DPP9: variants seen among roughly 807,000 people sequenced by gnomAD.
The protein encoded by DPP9 is dipeptidyl peptidase 9, also known as dipeptidyl peptidase IV-related protein-2.
DPP9 carries 50 observed loss-of-function variants against 110.7 expected under a neutral mutation model. The ratio of observed to expected loss-of-function variants is 0.45; its 90% CI spans 0.36 to 0.57. The LOEUF is 0.57. DPP9 is among the 20% of genes least tolerant of loss of function. DPP9 has a pLI of 0.00. For missense variants in DPP9, 1,022 were observed against 1,217.9 expected, an observed-to-expected ratio of 0.84 and a Z score of 2.39; for synonymous variants, 561 against 514.4, an observed-to-expected ratio of 1.09 and a Z score of -1.23.
rs1173547778 is a variant in DPP9, at chr19:4,685,880, C to G, written c.1886-109G>C. ...TGGAGGGTGGACCAAAGCACCCCCT[C>G]TTTTCCTGGGCTTCCCGAGAGTTGA... On this transcript the variant is annotated intron_variant, in intron 16 of 21. Coordinates refer to ENST00000262960, the MANE Select transcript of DPP9 (RefSeq NM_139159.5). The surrounding 1 kb of genome is among the most constrained non-coding windows in gnomAD (Gnocchi z 5.8). 3.1e-6 allele frequency: 4 copies of G among 1,291,020 alleles called. No homozygotes were observed. Among genetic ancestry groups the G allele is most frequent in the Non-Finnish European group, 4.2e-6 (4 of 947,818 alleles). The allele number at this position is 1,291,020 out of a possible 1,614,324, so 80.0% of individuals were successfully genotyped here.
At position 4,683,550 on chromosome 19, in the gene DPP9, A is replaced by G. The variant is rs1481179508; in HGVS notation, c.2258T>C (p.Val753Ala). The change falls in exon 19 of 22, where the codon GTT (valine) becomes GCT (alanine). Residue 753 changes from valine to alanine, a missense_variant. Physicochemically the swap from Val to Ala is moderately conservative, Grantham distance 64. Transcript: ENST00000262960. ...EKYGFIDLSR[V>A]AIHGWSYGGF... The stretch of plus-strand genomic sequence containing the variant: ...CCCGTAGGACCAGCCATGGATGGCA[A>G]CTCGGCTCAGGTCGATGAAGCCATA... The G allele has an allele frequency of 1.9e-6, 3 of 1,613,258 alleles. No homozygotes were observed. The highest frequency in any genetic ancestry group is 2.2e-5 in the East Asian group (1 of 44,882).
chr19:4,683,211 G>C (rs1421054494), intron 19 of DPP9: 1 of 1,429,994 alleles, frequency 7.0e-7, no homozygotes, highest in East Asian at 2.6e-5. Flanking sequence ...CGAGGCCGGG[G>C]TCCCGGGCTC....
chr19:4,692,256 C>A (rs2091396845), intron 13 of DPP9, among the ~76,000 whole-genome samples: 1 of 152,122 alleles, frequency 6.6e-6, no homozygotes, highest in South Asian at 2.1e-4. Context: ...CGGGGTGCAT[C>A]ATGGCACACA....
intron 3 of DPP9, 110 bp downstream of exon 3, chr19:4,719,741 G>A: frequency 7.8e-7 from 1 of 1,280,842 alleles, no homozygotes; most frequent in Non-Finnish European, 1.1e-6. Flanking sequence ...GGACGTGCTG[G>A]GGAAGCCAGG....
intron 10 of DPP9, among the ~76,000 whole-genome samples, chr19:4,699,663 C>T (rs1243015112): frequency 6.6e-6 from 1 of 151,998 alleles, no homozygotes; most frequent in African/African-American, 2.4e-5. Context: ...TTTGAGATGA[C>T]CCCCAGGTGA....
chr19:4,712,822 G>A lies in DPP9; in HGVS notation c.313+1259C>T, dbSNP rs186471579. On this transcript the variant is annotated intron_variant, in intron 4 of 21. Transcript: ENST00000262960. ...TGTGGAGAGGGACTGCGCTGATGGC[G>A]GAAGAAGACAGCCACCTGGTGTCCA... is the stretch of plus-strand genomic sequence containing the variant. Among the ~76,000 whole-genome samples, 13 of 152,320 alleles carry A rather than the reference G, an allele frequency of 8.5e-5. No individual in the cohort carries two copies. The East Asian group carries it at 1.3e-3, about 16-fold the overall frequency.
intron 14 of DPP9, among the ~76,000 whole-genome samples, chr19:4,690,183 G>A (rs937118840): frequency 6.6e-6 from 1 of 152,256 alleles, no homozygotes; most frequent in Non-Finnish European, 1.5e-5. Context: ...CCGAAGTGGT[G>A]TCTCCTGGAG....
In DPP9 at chr19:4,685,297, T is replaced by C. The variant is rs1310641695; in HGVS notation, c.2031+329A>G. ...TCTGCTGCCTGCTTTTGACCCCTGCTCCAGGAATTGGGCCCAGGGCCCATG... is the reference window on the plus strand; with the variant it reads ...TCTGCTGCCTGCTTTTGACCCCTGCCCCAGGAATTGGGCCCAGGGCCCATG... On this transcript the variant is annotated intron_variant, in intron 17 of 21. Transcript: ENST00000262960. The surrounding 1 kb of genome is among the most constrained non-coding windows in gnomAD (Gnocchi z 5.8). 2 of 559,484 alleles carry C rather than the reference T, an allele frequency of 3.6e-6. No individual in the cohort carries two copies. The highest frequency in any genetic ancestry group is 1.9e-5 in the African/African-American group (1 of 53,726). 34.7% of individuals were successfully genotyped at this position (559,484 alleles called of 1,614,324 possible). A position where few individuals can be genotyped will look rare whatever the true frequency, so the allele number is the denominator to read the frequency against.
In DPP9 at chr19:4,682,450, T is replaced by C. The variant is rs1474213000; in HGVS notation, c.2474+246A>G. Among the ~76,000 whole-genome samples, 1 of 151,514 alleles carries C rather than the reference T, an allele frequency of 6.6e-6. No individual in the cohort carries two copies. The highest frequency in any genetic ancestry group is 2.0e-4 in the East Asian group (1 of 5,124). ...CCCAGGGCAGGGCTGTGAGCCTCCT[T>C]CCCCAGACAAGCATCCCTGGGTGCC... On this transcript the variant is annotated intron_variant, in intron 20 of 21. Transcript: ENST00000262960. This position sits in a 1 kb window ranked among gnomAD's most constrained non-coding sequence, Gnocchi z 7.1.
In DPP9 at chr19:4,684,867, C is replaced by G. The variant is rs760565068; in HGVS notation, c.2032-58G>C. Reference sequence around the variant, plus strand: ...GAGATGCCGGGCAGGACGGGCCTGGCAGGGGAGATGCCGGTGGGCTGGGGA... The same window carrying G: ...GAGATGCCGGGCAGGACGGGCCTGGGAGGGGAGATGCCGGTGGGCTGGGGA... On this transcript the variant is annotated intron_variant, in intron 17 of 21. Coordinates refer to ENST00000262960, the MANE Select transcript of DPP9 (RefSeq NM_139159.5). The surrounding 1 kb of genome is among the most constrained non-coding windows in gnomAD (Gnocchi z 4.8). The G allele has an allele frequency of 3.9e-6, 6 of 1,556,250 alleles. No homozygotes were observed. The highest frequency in any genetic ancestry group is 1.9e-5 in the Admixed American group (1 of 51,580).
intron 21 of DPP9, among the ~76,000 whole-genome samples, chr19:4,678,295 T>C (rs1173775710): frequency 6.6e-6 from 1 of 152,056 alleles, no homozygotes; most frequent in Non-Finnish European, 1.5e-5. Flanking sequence ...GTATTTTTAG[T>C]AGAGACGGAG....
At chr19:4,716,544 G>A (rs1456627428) in intron 3 of DPP9, among the ~76,000 whole-genome samples, 2 of 152,110 alleles carry the variant, frequency 1.3e-5, no homozygotes, top group East Asian at 3.9e-4. Context: ...GGCTGAGGCA[G>A]GAGAATGGCG....
intron 20 of DPP9, among the ~76,000 whole-genome samples, chr19:4,680,674 A>T (rs1307448717): frequency 6.7e-6 from 1 of 149,982 alleles, no homozygotes; most frequent in Non-Finnish European, 1.5e-5. Context: ...AAAAAAAAAA[A>T]TGCTGAGCAT....
rs537214123 is a variant in DPP9, at chr19:4,686,366, C to T, written c.1886-595G>A. Among the ~76,000 whole-genome samples the T allele has an allele frequency of 3.3e-4, 49 of 147,674 alleles. No individual in the cohort carries two copies. In the East Asian group the frequency reaches 8.6e-3, roughly 26 times the overall value. The stretch of plus-strand genomic sequence containing the variant: ...ACGGAGTCTCACTCTGTCACCCAGG[C>T]TGCAATGCAGTGGCACGATCTTGGT... On this transcript the variant is annotated intron_variant, in intron 16 of 21. Transcript: ENST00000262960.
intron 11 of DPP9, among the ~76,000 whole-genome samples, chr19:4,696,289 C>T (rs1184692868): frequency 6.6e-6 from 1 of 152,062 alleles, no homozygotes; most frequent in Admixed American, 6.6e-5. Flanking sequence ...CACAGAACAA[C>T]GAAAACCAAA....
At chr19:4,697,470 G>C in intron 11 of DPP9, 81 bp downstream of exon 11, 1 of 1,210,720 alleles carries the variant, frequency 8.3e-7, no homozygotes, top group Non-Finnish European at 1.2e-6. Context: ...TGGCACGGAA[G>C]GCCAGGAGGC....
In DPP9 at chr19:4,680,656, T is replaced by TTAA. The variant is rs1459050744; in HGVS notation, c.2475-711_2475-710insTTA. ...CTGGGAGGGTGCAGTGAGCTATGAT[T>TTAA]AAAAAAAAAAAAAAAAAATGCTGAG... is the stretch of plus-strand genomic sequence containing the variant. On this transcript the variant is annotated intron_variant, in intron 20 of 21. Transcript: ENST00000262960. 6.0e-3 allele frequency among the ~76,000 whole-genome samples: 770 copies of TTAA among 127,380 alleles called. 8 individuals carry two copies. Among genetic ancestry groups the TTAA allele is most frequent in the African/African-American group, 0.021 (732 of 35,222 alleles). 83.6% of individuals were successfully genotyped at this position (127,380 alleles called of 152,430 possible).
chr19:4,679,791 T>A (rs1268621227), intron 21 of DPP9, 44 bp downstream of exon 21: 5 of 1,424,954 alleles, frequency 3.5e-6, no homozygotes, highest in East Asian at 4.9e-5. Context: ...CTCCCAGGGA[T>A]CTGTCGGCTC....
chr19:4,689,526 G>C lies in DPP9; in HGVS notation c.1749+44C>G, dbSNP rs1356206075. The C allele has an allele frequency of 5.2e-6, 8 of 1,533,740 alleles. No homozygotes were observed. In the African/African-American group the frequency reaches 9.6e-5, roughly 18 times the overall value. On this transcript the variant is annotated intron_variant, in intron 15 of 21. Coordinates refer to ENST00000262960, the MANE Select transcript of DPP9 (RefSeq NM_139159.5). This position sits in a 1 kb window ranked among gnomAD's most constrained non-coding sequence, Gnocchi z 7.0. ...TGAGGGACTGCTCTGGCTGGGAGCT[G>C]TTGGACGGGCACAGGGCGGTGCCGT...
Sources: allele counts gnomAD v4.1 joint callset (sites outside exome capture counted in the v4.1 genomes callset), GRCh38; gene constraint gnomAD v4.1.1; non-coding constraint Gnocchi (gnomAD v3.1); transcripts MANE v1.5; gene names NCBI Gene and HGNC (gene_info 2026-07-23, HGNC 2026-07-21).